The following TMLHE variants were observed in gnomAD, a reference collection of about 807,000 sequenced individuals.
The protein encoded by TMLHE is trimethyllysine dioxygenase, mitochondrial.
A neutral mutation model predicts 25.7 loss-of-function variants in TMLHE; 18 were observed. That is an observed-to-expected ratio of 0.70 (90% CI 0.48 to 1.04). TMLHE has a LOEUF of 1.04. Ranked by LOEUF, TMLHE falls within the 50% of genes least tolerant of loss-of-function variation. TMLHE has a pLI of 0.00. For synonymous variants in TMLHE, 105 were observed against 97.0 expected, an observed-to-expected ratio of 1.08 and a Z score of -0.49; for missense variants, 236 against 259.0, an observed-to-expected ratio of 0.91 and a Z score of 0.61.
Position 155,550,399 on chromosome X carries a change from T to C in TMLHE, c.-1-5122A>G, listed in dbSNP as rs192486096. ...TCTATAATGTTTTGTACTATTGGTC[T>C]ACTTGCTTGCTTGCTTTTCCATCCA... On this transcript the variant is annotated intron_variant, in intron 1 of 7. Coordinates refer to ENST00000334398, the MANE Select transcript of TMLHE (RefSeq NM_018196.4). 3.1e-4 allele frequency among the ~76,000 whole-genome samples: 34 copies of C among 111,360 alleles called. 1 individual carries two copies. Among genetic ancestry groups the C allele is most frequent in the African/African-American group, 1.1e-3 (34 of 30,281 alleles).
In TMLHE at chrX:155,511,793, C is replaced by G. The variant is rs1557333638; in HGVS notation, c.639-1G>C. On this transcript the variant is annotated splice_acceptor_variant, in intron 4 of 7. Transcript: ENST00000334398. LOFTEE classifies it high-confidence loss of function. ...CCACATCCTCCCATAAATGGTTTCT[C>G]TGTTAGTTGAAATAAAGAAAGACCT... The G allele has an allele frequency of 1.7e-6, 2 of 1,155,640 alleles. No homozygotes were observed. The highest frequency in any genetic ancestry group is 2.3e-6 in the Non-Finnish European group (2 of 859,607).
intron 1 of TMLHE, among the ~76,000 whole-genome samples, chrX:155,558,847 A>G (rs1350967062): frequency 1.8e-5 from 2 of 111,770 alleles, no homozygotes; most frequent in African/African-American, 6.5e-5. Flanking sequence ...CTGAAATTTC[A>G]TTCATTCATT....
intron 1 of TMLHE, among the ~76,000 whole-genome samples, chrX:155,591,326 A>G (rs1341375824): frequency 8.9e-6 from 1 of 112,091 alleles, no homozygotes; most frequent in East Asian, 2.8e-4. Context: ...ACAACACTAT[A>G]TACTTATGGA....
intron 5 of TMLHE, among the ~76,000 whole-genome samples, chrX:155,510,692 T>C (rs1468925789): frequency 2.7e-5 from 3 of 109,351 alleles, no homozygotes; most frequent in Admixed American, 9.9e-5. Flanking sequence ...CTATTGTGAA[T>C]AGTGCCACAG....
chrX:155,602,310 A>G (rs2067760686), intron 1 of TMLHE, among the ~76,000 whole-genome samples: 1 of 111,912 alleles, frequency 8.9e-6, no homozygotes, highest in Admixed American at 9.5e-5. Flanking sequence ...CAAAAACCAC[A>G]TGATCATTTC....
intron 1 of TMLHE, among the ~76,000 whole-genome samples, chrX:155,558,157 C>CT (rs1199988381): frequency 8.9e-6 from 1 of 112,052 alleles, no homozygotes; most frequent in Non-Finnish European, 1.9e-5. Flanking sequence ...CTTCCTGCTA[C>CT]TTACCTCCTT....
At chrX:155,558,495 C>T (rs1352218685) in intron 1 of TMLHE, among the ~76,000 whole-genome samples, 1 of 111,582 alleles carries the variant, frequency 9.0e-6, no homozygotes, top group Non-Finnish European at 1.9e-5. Flanking sequence ...ATTTTGATAC[C>T]CTAACATCTA....
At chrX:155,563,794 AAAG>A (rs2067504244) in intron 1 of TMLHE, among the ~76,000 whole-genome samples, 1 of 61,742 alleles carries the variant, frequency 1.6e-5, no homozygotes, top group Admixed American at 1.9e-4. Context: ...TAGACAGAGA[AAAG>A]AAGATTAACA....
At position 155,545,089 on chromosome X, in the gene TMLHE, C is replaced by G. The variant is rs200155488; in HGVS notation, c.181+7G>C. On this transcript the variant is annotated splice_region_variant and intron_variant, in intron 2 of 7. Coordinates refer to ENST00000334398, the MANE Select transcript of TMLHE (RefSeq NM_018196.4). ...TTAAAAAGTATCTGTCTTCACACAT[C>G]TCTTACCAAAATGATCTTCATGTTG... 2.6e-4 allele frequency: 311 copies of G among 1,206,350 alleles called. 2 individuals are homozygous for G. Among genetic ancestry groups the G allele is most frequent in the Non-Finnish European group, 3.5e-4 (309 of 893,312 alleles).
intron 1 of TMLHE, among the ~76,000 whole-genome samples, chrX:155,556,478 G>C (rs1432285782): frequency 9.1e-6 from 1 of 110,435 alleles, no homozygotes; most frequent in African/African-American, 3.3e-5. Context: ...GGTAGGATCC[G>C]TGATGCCCCA....
intron 2 of TMLHE, among the ~76,000 whole-genome samples, chrX:155,525,156 T>G (rs1237168839): frequency 8.9e-6 from 1 of 111,816 alleles, no homozygotes; most frequent in Non-Finnish European, 1.9e-5. Flanking sequence ...CCAAATCTCA[T>G]GTTGAATTGT....
chrX:155,582,811 C>T (rs1335134578), intron 1 of TMLHE, among the ~76,000 whole-genome samples: 3 of 112,079 alleles, frequency 2.7e-5, no homozygotes, highest in Non-Finnish European at 3.8e-5. Context: ...ACCCAGCCAT[C>T]CCATTACTGG....
intron 1 of TMLHE, among the ~76,000 whole-genome samples, chrX:155,581,023 G>T (rs781823663): frequency 2.7e-5 from 3 of 111,991 alleles, no homozygotes; most frequent in African/African-American, 3.2e-5. Context: ...TTCGACATAT[G>T]CAAATTAATA....
At chrX:155,540,914 G>A (rs1281209450) in intron 2 of TMLHE, among the ~76,000 whole-genome samples, 1 of 110,885 alleles carries the variant, frequency 9.0e-6, no homozygotes, top group Non-Finnish European at 1.9e-5. Context: ...GCAATAAAAA[G>A]TATTATAACT....
chrX:155,506,949 A>T lies in TMLHE; in HGVS notation c.944T>A (p.Ile315Asn), dbSNP rs2067079446. ...VGECHNHMIGIGPVLNIYPWN... is the reference protein window; with the variant it reads ...VGECHNHMIGNGPVLNIYPWN... Reference sequence around the variant, plus strand: ...TGGGTAGATATTTAAGACTGGCCCAATCCCAATCATGTGGTTGTGACATTC... The same window carrying T: ...TGGGTAGATATTTAAGACTGGCCCATTCCCAATCATGTGGTTGTGACATTC... The change falls in exon 6 of 8, where the codon ATT becomes AAT. Residue 315 changes from isoleucine (I) to asparagine (N), a missense_variant. Ile to Asn is a moderately radical substitution (Grantham distance 149, BLOSUM62 -3). Around this residue, in one of 2 missense-constraint regions of TMLHE, gnomAD observed 19 missense variants for 44.4 expected, o/e 0.43. Transcript: ENST00000334398. 1 of 1,210,059 alleles carries T rather than the reference A, an allele frequency of 8.3e-7. No homozygotes were observed. The highest frequency in any genetic ancestry group is 1.7e-5 in the African/African-American group (1 of 57,631).
intron 2 of TMLHE, among the ~76,000 whole-genome samples, chrX:155,543,649 A>G (rs2067326073): frequency 1.8e-5 from 2 of 112,267 alleles, no homozygotes; most frequent in South Asian, 7.3e-4. Flanking sequence ...TTTCAATTAC[A>G]TTTTTCACAG....
rs183151508 is a variant in TMLHE at position 155,538,948 on chromosome X, C to T, written c.181+6148G>A. Among the ~76,000 whole-genome samples, 28 of 111,207 alleles carry T rather than the reference C, an allele frequency of 2.5e-4. No individual in the cohort carries two copies. In the East Asian group the frequency reaches 7.9e-3, roughly 31 times the overall value. ...GATGGCAGAATAGAAAAAAAAGACC[C>T]TCCTTCCCCCATGGTTTGAATAACA... On this transcript the variant is annotated intron_variant, in intron 2 of 7. Transcript: ENST00000334398.
intron 1 of TMLHE, among the ~76,000 whole-genome samples, chrX:155,606,815 A>AC (rs1557347863): frequency 1.9e-5 from 2 of 107,341 alleles, no homozygotes; most frequent in African/African-American, 6.7e-5. Context: ...AAAAAAAAAA[A>AC]CCCCATCAGA....
intron 2 of TMLHE, among the ~76,000 whole-genome samples, chrX:155,544,192 T>C (rs1432977157): frequency 4.5e-5 from 5 of 111,866 alleles, no homozygotes; most frequent in African/African-American, 1.6e-4. Context: ...CAGGGTGTGG[T>C]AGATTGAACT....
Sources: allele counts gnomAD v4.1 joint callset (sites outside exome capture counted in the v4.1 genomes callset), GRCh38; gene constraint gnomAD v4.1.1; regional missense constraint gnomAD v4.1.1; transcripts MANE v1.5; gene names NCBI Gene and HGNC (gene_info 2026-07-23, HGNC 2026-07-21).